The following RGCC variants were observed in gnomAD, a reference collection of about 807,000 sequenced individuals.
The protein encoded by RGCC is regulator of cell cycle RGCC.
RGCC carries 15 observed loss-of-function variants against 15.4 expected under a neutral mutation model. The ratio of observed to expected loss-of-function variants is 0.97; its 90% CI spans 0.65 to 1.50. The LOEUF (loss-of-function observed/expected upper bound fraction) is 1.50. Among genes scored for constraint, RGCC ranks in the 40% most tolerant of loss-of-function variants. The pLI is 0.00. For missense variants in RGCC, 176 were observed against 189.7 expected, an observed-to-expected ratio of 0.93 and a Z score of 0.42; for synonymous variants, 81 against 78.0, an observed-to-expected ratio of 1.04 and a Z score of -0.20.
intron 2 of RGCC, 42 bp from the exon 3 acceptor site, chr13:41,466,781 C>T (rs760646525): frequency 1.5e-6 from 2 of 1,329,186 alleles, no homozygotes; most frequent in Non-Finnish European, 1.1e-6. Flanking sequence ...TCTATAATCT[C>T]ATGAGTACTA....
Position 41,458,211 on chromosome 13 carries a change from C to A in RGCC, c.50-74C>A. The A allele has an allele frequency of 8.0e-7, 1 of 1,251,102 alleles. No homozygotes were observed. The highest frequency in any genetic ancestry group is 1.1e-6 in the Non-Finnish European group (1 of 921,110). 77.5% of individuals were successfully genotyped at this position (1,251,102 alleles called of 1,614,324 possible). On this transcript the variant is annotated intron_variant, in intron 1 of 4. Transcript: ENST00000379359. This position sits in a 1 kb window ranked among gnomAD's most constrained non-coding sequence, Gnocchi z 4.4. Reference sequence around the variant, plus strand: ...CAGTTATCTTCGGGAACCGTGGCGGCCCCTCCTGGCCCTGGGAGGTGGTCC... The same window carrying A: ...CAGTTATCTTCGGGAACCGTGGCGGACCCTCCTGGCCCTGGGAGGTGGTCC...
At chr13:41,465,761 G>A (rs1446007999) in intron 2 of RGCC, among the ~76,000 whole-genome samples, 3 of 152,154 alleles carry the variant, frequency 2.0e-5, no homozygotes, top group Non-Finnish European at 4.4e-5. Flanking sequence ...TGGCTTATCT[G>A]AAGAGTACAG....
intron 2 of RGCC, chr13:41,464,137 GGCCA>G (rs1380719898): frequency 1.3e-5 from 2 of 152,470 alleles, no homozygotes; most frequent in Admixed American, 1.3e-4. Context: ...CTGCGATCTG[GGCCA>G]GCCAGCCTCT....
Position 41,457,846 on chromosome 13 carries a change from C to T in RGCC, c.49+90C>T. 1.5e-6 allele frequency: 2 copies of T among 1,341,554 alleles called. No homozygotes were observed. The highest frequency in any genetic ancestry group is 1.9e-6 in the Non-Finnish European group (2 of 1,043,878). The allele number at this position is 1,341,554 out of a possible 1,614,324, so 83.1% of individuals were successfully genotyped here. On this transcript the variant is annotated intron_variant, in intron 1 of 4. Coordinates refer to ENST00000379359, the MANE Select transcript of RGCC (RefSeq NM_014059.3). The surrounding 1 kb of genome is among the most constrained non-coding windows in gnomAD (Gnocchi z 4.9). The stretch of plus-strand genomic sequence containing the variant: ...GGCCCCGTGTCGTCCCTTCACACCC[C>T]CCACCCTTCCATCCTCCCCGGCGGG...
chr13:41,469,999 A>G (rs576709171), intron 4 of RGCC, among the ~76,000 whole-genome samples: 1 of 152,296 alleles, frequency 6.6e-6, no homozygotes, highest in Non-Finnish European at 1.5e-5. Flanking sequence ...TTAATTTTCC[A>G]GGGTAAGGGT....
chr13:41,465,912 C>T (rs557562195), intron 2 of RGCC, among the ~76,000 whole-genome samples: 4 of 152,094 alleles, frequency 2.6e-5, no homozygotes, highest in Non-Finnish European at 4.4e-5. Flanking sequence ...GCTCAGAGGG[C>T]AGAAGGGACA....
chr13:41,467,739 A>G (rs2043856026), intron 3 of RGCC, among the ~76,000 whole-genome samples: 1 of 152,192 alleles, frequency 6.6e-6, no homozygotes, highest in Admixed American at 6.5e-5. Context: ...TCCCTTCTCA[A>G]CATAGCAACG....
At chr13:41,468,643 T>TA in intron 3 of RGCC, 133 bp from the exon 4 acceptor site, 1 of 702,854 alleles carries the variant, frequency 1.4e-6, no homozygotes, top group Non-Finnish European at 2.4e-6. Context: ...GAGGTAGATG[T>TA]AAAATAGAAA....
intron 4 of RGCC, among the ~76,000 whole-genome samples, chr13:41,469,611 G>A (rs2043866260): frequency 6.6e-6 from 1 of 152,176 alleles, no homozygotes; most frequent in Non-Finnish European, 1.5e-5. Flanking sequence ...CAGGGTTTGG[G>A]TGAAATTTAA....
chr13:41,459,842 C>T (rs981475126), intron 2 of RGCC, among the ~76,000 whole-genome samples: 1 of 152,202 alleles, frequency 6.6e-6, no homozygotes, highest in Non-Finnish European at 1.5e-5. Context: ...AATACAGATT[C>T]TCGCATGGAA....
chr13:41,465,982 A>T (rs983439532), intron 2 of RGCC, among the ~76,000 whole-genome samples: 3 of 151,968 alleles, frequency 2.0e-5, no homozygotes, highest in Non-Finnish European at 4.4e-5. Flanking sequence ...CCCACCATCA[A>T]CCAAGCACTG....
In RGCC at chr13:41,470,590, G is replaced by C. The variant is rs912769006; in HGVS notation, c.*105G>C. On this transcript the variant is annotated 3_prime_UTR_variant, in exon 5 of 5. Coordinates refer to ENST00000379359, the MANE Select transcript of RGCC (RefSeq NM_014059.3). ...ATCTGCTGCCAGAGGGGACAAAGAC[G>C]TGCACTCAACCTTCTACCAGGCCAC... 6.1e-6 allele frequency: 7 copies of C among 1,147,718 alleles called. No homozygotes were observed. Among genetic ancestry groups the C allele is most frequent in the Non-Finnish European group, 9.2e-6 (7 of 757,334 alleles). 71.1% of individuals were successfully genotyped at this position (1,147,718 alleles called of 1,614,324 possible).
At chr13:41,469,838 C>G (rs994595838) in intron 4 of RGCC, among the ~76,000 whole-genome samples, 1 of 152,164 alleles carries the variant, frequency 6.6e-6, no homozygotes, top group South Asian at 2.1e-4. Context: ...AAGGGACCCT[C>G]ACAATCTATC....
rs2043871624 is a variant in RGCC at position 41,470,662 on chromosome 13, T to C, written c.*177T>C. 4.7e-6 allele frequency: 3 copies of C among 632,030 alleles called. No individual in the cohort carries two copies. The highest frequency in any genetic ancestry group is 8.5e-6 in the Non-Finnish European group (3 of 354,580). 39.2% of individuals were successfully genotyped at this position (632,030 alleles called of 1,614,324 possible). A position where few individuals can be genotyped will look rare whatever the true frequency, so the allele number is the denominator to read the frequency against. ...AGCCCTTGATCCCATTTCTGGGCAA[T>C]TTAGACAGTGAAACTGACTTTGTTT... On this transcript the variant is annotated 3_prime_UTR_variant, in exon 5 of 5. Transcript: ENST00000379359.
intron 3 of RGCC, among the ~76,000 whole-genome samples, chr13:41,467,879 A>G (rs2043856681): frequency 6.6e-6 from 1 of 152,218 alleles, no homozygotes; most frequent in South Asian, 2.1e-4. Context: ...CTCAAGAGGT[A>G]GGAATTAAAG....
chr13:41,466,012 C>A (rs1454812225), intron 2 of RGCC, among the ~76,000 whole-genome samples: 2 of 152,010 alleles, frequency 1.3e-5, no homozygotes, highest in Non-Finnish European at 2.9e-5. Flanking sequence ...ATCCTATCAC[C>A]CCCTTCCTGT....
intron 4 of RGCC, among the ~76,000 whole-genome samples, chr13:41,470,227 A>G (rs7320113): frequency 0.58 from 87,955 of 152,048 alleles, 27,525 homozygotes; most frequent in South Asian, 0.72. Context: ...TTACATCAGA[A>G]GACCAGGGCT....
chr13:41,460,947 T>G (rs2043818382), intron 2 of RGCC, among the ~76,000 whole-genome samples: 1 of 152,206 alleles, frequency 6.6e-6, no homozygotes, highest in South Asian at 2.1e-4. Context: ...GCCTGTTCTT[T>G]GAAGAATACT....
intron 2 of RGCC, among the ~76,000 whole-genome samples, chr13:41,464,502 A>G (rs872357): frequency 0.68 from 103,210 of 151,828 alleles, 35,949 homozygotes; most frequent in South Asian, 0.81. Flanking sequence ...AGGGCTTCCC[A>G]AGTAAGGTTC....
Sources: gnomAD v4.1 joint callset for allele counts (sites outside exome capture counted in the v4.1 genomes callset) on GRCh38, gnomAD v4.1.1 for gene constraint, Gnocchi (gnomAD v3.1) non-coding constraint, MANE v1.5 for transcripts, NCBI Gene and HGNC (gene_info 2026-07-23, HGNC 2026-07-21) for gene names.